Variants in DCAKD observed in about 807,000 individuals in gnomAD.
The protein encoded by DCAKD is dephospho-CoA kinase domain-containing protein.
DCAKD carries 15 observed loss-of-function variants against 18.7 expected under a neutral mutation model. The ratio of observed to expected loss-of-function variants is 0.80; its 90% confidence interval spans 0.54 to 1.24. DCAKD has a LOEUF of 1.24. Among genes scored for constraint, DCAKD ranks in the 50% most tolerant of loss-of-function variants. The pLI is 0.00. For missense variants in DCAKD, 301 were observed against 322.0 expected (o/e 0.93, Z 0.50); for synonymous variants, 130 against 133.0 (o/e 0.98, Z 0.16).
Position 45,046,615 on chromosome 17 carries a change from C to CAAA in DCAKD, c.-115+4743_-115+4745dup, listed in dbSNP as rs746591313. 1.5e-3 allele frequency among the ~76,000 whole-genome samples: 76 copies of CAAA among 49,716 alleles called. 1 individual carries two copies. The highest frequency in any genetic ancestry group is 1.8e-3 in the Non-Finnish European group (50 of 27,096). The allele number at this position is 49,716 out of a possible 152,430, so 32.6% of individuals were successfully genotyped here. ...TGGGCGACAGAGCGAGATTCCATCTCAAAAAAAAAAAAAAAAAAAAAAAGC... is the reference window on the plus strand; with the variant it reads ...TGGGCGACAGAGCGAGATTCCATCTCAAAAAAAAAAAAAAAAAAAAAAAAAAGC... On this transcript the variant is annotated intron_variant, in intron 1 of 4. Transcript: ENST00000651974.
chr17:45,060,987 T>C (rs1006163239), exon 1 of DCAKD: 8 of 1,051,524 alleles, frequency 7.6e-6, no homozygotes, highest in Non-Finnish European at 9.2e-6. Flanking sequence ...TTTTGGAACC[T>C]CCACGCCTGA....
chr17:45,034,133 G>GGGCCCT (rs1206821584), intron 3 of DCAKD, 54 bp downstream of exon 3: 1 of 1,611,244 alleles, frequency 6.2e-7, no homozygotes, highest in Non-Finnish European at 8.5e-7. Flanking sequence ...CAGAGGAGAA[G>GGGCCCT]GGCCCTGGCC....
In DCAKD at chr17:45,043,448, A is replaced by C. The variant is rs562822486; in HGVS notation, c.-115+7913T>G. Among the ~76,000 whole-genome samples, 289 of 152,288 alleles carry C rather than the reference A, an allele frequency of 1.9e-3. 1 individual carries two copies. Among genetic ancestry groups the C allele is most frequent in the Non-Finnish European group, 2.9e-3 (194 of 68,018 alleles). On this transcript the variant is annotated intron_variant, in intron 1 of 4. Transcript: ENST00000651974. ...TGTATGTCCGCCACTTGAACCCTGC[A>C]GGCTGGGCGGTAAGCCAAGGCCATG...
Sources: allele counts gnomAD v4.1 joint callset (sites outside exome capture counted in the v4.1 genomes callset), GRCh38; gene constraint gnomAD v4.1.1; transcripts MANE v1.5; gene names NCBI Gene and HGNC (gene_info 2026-07-23, HGNC 2026-07-21).